The following NCOR2 variants were observed in gnomAD, a reference collection of about 807,000 sequenced individuals.
NCOR2 encodes the protein CTG repeat protein 26.
A neutral mutation model predicts 262.9 loss-of-function variants in NCOR2; 81 were observed. The observed-to-expected ratio is 0.31, with a 90% confidence interval of 0.26 to 0.37. The LOEUF (loss-of-function observed/expected upper bound fraction) is 0.37. Ranked by LOEUF, NCOR2 falls within the 10% of genes least tolerant of loss-of-function variation. The pLI is 1.00. For synonymous variants in NCOR2, 1,659 were observed against 1,559.3 expected, an observed-to-expected ratio of 1.06 and a Z score of -1.51; for missense variants, 3,385 against 3,621.4, an observed-to-expected ratio of 0.93 and a Z score of 1.68.
rs2137062564 is a variant in NCOR2, at chr12:124,517,688, C to T, written c.-118+17877G>A. On this transcript the variant is annotated intron_variant, in intron 1 of 46. Coordinates refer to the NCOR2 transcript ENST00000404621. This position sits in a 1 kb window ranked among gnomAD's most constrained non-coding sequence, Gnocchi z 7.6. Reference sequence around the variant, plus strand: ...GAGCCCCCAAGGCTCGCCATGCTCCCCCCCAGGGACGCCGGATGTGCACCA... The same window carrying T: ...GAGCCCCCAAGGCTCGCCATGCTCCTCCCCAGGGACGCCGGATGTGCACCA... Among the ~76,000 whole-genome samples the T allele has an allele frequency of 6.6e-6, 1 of 152,328 alleles. No homozygotes were observed. The highest frequency in any genetic ancestry group is 2.1e-4 in the South Asian group (1 of 4,824).
At chr12:124,551,368 T>C (rs2051708885) in intron 1 of NCOR2, among the ~76,000 whole-genome samples, 1 of 152,112 alleles carries the variant, frequency 6.6e-6, no homozygotes, top group Non-Finnish European at 1.5e-5. Flanking sequence ...CGCGCACAGA[T>C]CCACGTGTCC....
chr12:124,479,559 G>T (rs922125884), intron 3 of NCOR2, among the ~76,000 whole-genome samples: 1 of 151,736 alleles, frequency 6.6e-6, no homozygotes, highest in Non-Finnish European at 1.5e-5. Context: ...ACACAAACGC[G>T]CACACACACG....
At chr12:124,429,572 A>T in intron 10 of NCOR2, 41 bp downstream of exon 12, 3 of 1,554,486 alleles carry the variant, frequency 1.9e-6, no homozygotes, top group Non-Finnish European at 2.6e-6. Context: ...GGGGGATGCC[A>T]GGGAAAAGGA....
chr12:124,424,602 G>T (rs543647520), intron 11 of NCOR2, among the ~76,000 whole-genome samples: 74 of 152,234 alleles, frequency 4.9e-4, no homozygotes, highest in African/African-American at 1.7e-3. Context: ...CTCCTGGATA[G>T]CCACTGTGTC....
At chr12:124,475,633 A>T in intron 3 of NCOR2, among the ~76,000 whole-genome samples, 1 of 152,366 alleles carries the variant, frequency 6.6e-6, no homozygotes, top group Non-Finnish European at 1.5e-5. Flanking sequence ...ACAAAAACAC[A>T]CTGAGGGCCA....
At chr12:124,455,494 C>A (rs1182625654) in intron 6 of NCOR2, among the ~76,000 whole-genome samples, 1 of 152,234 alleles carries the variant, frequency 6.6e-6, no homozygotes, top group Non-Finnish European at 1.5e-5. Context: ...CCCTTGCCAT[C>A]TCCTCCCTGC....
rs201845311 is a variant in NCOR2, at chr12:124,356,629, C to T, written c.3241+13G>A. 6.3e-6 allele frequency: 9 copies of T among 1,426,422 alleles called. No individual in the cohort carries two copies. Among genetic ancestry groups the T allele is most frequent in the Admixed American group, 6.0e-5 (2 of 33,108 alleles). The allele number at this position is 1,426,422 out of a possible 1,614,324, so 88.4% of individuals were successfully genotyped here. A position where few individuals can be genotyped will look rare whatever the true frequency, so the allele number is the denominator to read the frequency against. The stretch of plus-strand genomic sequence containing the variant: ...CTGGCTGAAGAAGCCCAAGCTCGGG[C>T]GGAGCTACTTACCAGGTGGAGCGTA... On this transcript the variant is annotated intron_variant, in intron 23 of 46. Coordinates refer to ENST00000405201, the Ensembl canonical transcript of NCOR2.
intron 3 of NCOR2, among the ~76,000 whole-genome samples, chr12:124,477,206 G>C (rs1348378786): frequency 1.3e-5 from 2 of 152,206 alleles, no homozygotes; most frequent in Admixed American, 6.5e-5. Context: ...GGAGGTCATT[G>C]AATCATGGTG....
chr12:124,341,383 G>A (rs937554050), intron 34 of NCOR2, among the ~76,000 whole-genome samples: 1 of 152,130 alleles, frequency 6.6e-6, no homozygotes, highest in Non-Finnish European at 1.5e-5. Context: ...GGGACTACAG[G>A]TGCGCATCAC....
chr12:124,457,358 C>A lies in NCOR2; in HGVS notation c.706-196G>T, dbSNP rs2045933089. ...AAAAACACAGAGGAGCCTCAATACC[C>A]CCACAGCGGCCCCAGCAAGCCAGCC... On this transcript the variant is annotated intron_variant, in intron 5 of 46. Coordinates refer to ENST00000405201, the Ensembl canonical transcript of NCOR2. This position sits in a 1 kb window ranked among gnomAD's most constrained non-coding sequence, Gnocchi z 4.0. Among the ~76,000 whole-genome samples, 1 of 151,812 alleles carries A rather than the reference C, an allele frequency of 6.6e-6. No homozygotes were observed. The highest frequency in any genetic ancestry group is 2.1e-4 in the South Asian group (1 of 4,816).
chr12:124,400,480 C>A (rs761135246), intron 15 of NCOR2, 21 bp downstream of exon 17: 1 of 1,605,366 alleles, frequency 6.2e-7, no homozygotes, highest in East Asian at 2.2e-5. Flanking sequence ...TCCCCACCCG[C>A]ATCCCTGGCC....
Position 124,330,913 on chromosome 12 carries a change from C to CA in NCOR2, c.6905-16dup, listed in dbSNP as rs775067983. On this transcript the variant is annotated splice_polypyrimidine_tract_variant and intron_variant, in intron 43 of 46. Transcript: ENST00000405201. Reference sequence around the variant, plus strand: ...CTGGCTGATATCTGGAAGCGGGTGACAGAGTGGGTGAGGCCCCCAGGTCTC... The same window carrying CA: ...CTGGCTGATATCTGGAAGCGGGTGACAAGAGTGGGTGAGGCCCCCAGGTCTC... The CA allele has an allele frequency of 1.3e-6, 2 of 1,575,104 alleles. No homozygotes were observed. Among genetic ancestry groups the CA allele is most frequent in the Admixed American group, 1.8e-5 (1 of 54,184 alleles).
intron 20 of NCOR2, 134 bp from the exon 23 acceptor site, chr12:124,363,933 C>G: frequency 1.5e-6 from 1 of 666,748 alleles, no homozygotes; most frequent in Non-Finnish European, 2.1e-6. Context: ...CACGAGGCGA[C>G]TGTGCAGCTC....
chr12:124,431,259 C>A (rs953391844), intron 8 of NCOR2, among the ~76,000 whole-genome samples: 4 of 151,420 alleles, frequency 2.6e-5, no homozygotes, highest in Admixed American at 6.6e-5. Flanking sequence ...CAGGCACACA[C>A]AAGTCACACA....
At chr12:124,462,598 A>G (rs1158124354) in intron 5 of NCOR2, among the ~76,000 whole-genome samples, 1 of 152,192 alleles carries the variant, frequency 6.6e-6, no homozygotes, top group African/African-American at 2.4e-5. Flanking sequence ...AGTTTTGATG[A>G]CCAGGTGGCC....
intron 32 of NCOR2, among the ~76,000 whole-genome samples, chr12:124,344,292 G>A (rs1035275581): frequency 4.7e-4 from 72 of 152,356 alleles, no homozygotes; most frequent in Admixed American, 1.7e-3. Flanking sequence ...AAGCAGGGAA[G>A]TGGAATAATA....
At chr12:124,501,482 C>T (rs2048731807) in intron 1 of NCOR2, among the ~76,000 whole-genome samples, 1 of 152,166 alleles carries the variant, frequency 6.6e-6, no homozygotes, top group Admixed American at 6.5e-5. Flanking sequence ...GGCCCCACGG[C>T]CTCTGGGGGC....
chr12:124,327,789 A>G (rs537607819), intron 44 of NCOR2, 156 bp from the exon 47 acceptor site: 91 of 614,420 alleles, frequency 1.5e-4, no homozygotes, highest in East Asian at 9.4e-4. Flanking sequence ...GCAAAGCAAC[A>G]TATTTATTTC....
At chr12:124,433,052 C>G (rs1451466799) in intron 8 of NCOR2, among the ~76,000 whole-genome samples, 1 of 152,178 alleles carries the variant, frequency 6.6e-6, no homozygotes, top group Non-Finnish European at 1.5e-5. Flanking sequence ...AGCCCCACCC[C>G]ACCCCATATT....
Sources: gnomAD v4.1 joint callset for allele counts (sites outside exome capture counted in the v4.1 genomes callset) on GRCh38, gnomAD v4.1.1 for gene constraint, Gnocchi (gnomAD v3.1) non-coding constraint, MANE v1.5 for transcripts, NCBI Gene and HGNC (gene_info 2026-07-23, HGNC 2026-07-21) for gene names.